Variants in HOMER1 observed in about 807,000 individuals in gnomAD.
The protein encoded by HOMER1 is homer scaffold protein 1.
Under a neutral mutation model 48.9 loss-of-function variants are expected in HOMER1, and 3 were observed. The ratio of observed to expected loss-of-function variants is 0.06; its 90% CI spans 0.03 to 0.16. HOMER1 has a LOEUF of 0.16. HOMER1 is among the 10% of genes least tolerant of loss of function. The pLI, the probability that HOMER1 is intolerant of heterozygous loss-of-function variation, is 1.00. For synonymous variants in HOMER1, 134 were observed against 146.4 expected, an observed-to-expected ratio of 0.92 and a Z score of 0.61; for missense variants, 247 against 411.4, an observed-to-expected ratio of 0.60 and a Z score of 3.46.
chr5:79,384,591 C>T (rs1003322716), intron 8 of HOMER1, among the ~76,000 whole-genome samples: 1 of 152,180 alleles, frequency 6.6e-6, no homozygotes, highest in African/African-American at 2.4e-5. Context: ...TACCAATCCT[C>T]TTCAAACTAT....
At chr5:79,391,037 AAAC>A (rs1749235049) in intron 8 of HOMER1, among the ~76,000 whole-genome samples, 1 of 152,196 alleles carries the variant, frequency 6.6e-6, no homozygotes, top group African/African-American at 2.4e-5. Flanking sequence ...AAAAAATAAA[AAAC>A]AAAGCACAAG....
At chr5:79,414,504 G>A (rs113350545) in intron 5 of HOMER1, among the ~76,000 whole-genome samples, 5,213 of 151,326 alleles carry the variant, frequency 0.034, 283 homozygotes, top group African/African-American at 0.12. Flanking sequence ...CTCAGCCTCC[G>A]GAGTAGCTGG....
At chr5:79,386,350 A>T (rs913239899) in intron 8 of HOMER1, among the ~76,000 whole-genome samples, 2 of 152,222 alleles carry the variant, frequency 1.3e-5, no homozygotes, top group East Asian at 1.9e-4. Context: ...TGTTAAGTGA[A>T]CTAAGCCAGG....
intron 4 of HOMER1, among the ~76,000 whole-genome samples, chr5:79,446,351 C>T (rs1490729499): frequency 6.6e-6 from 1 of 152,138 alleles, no homozygotes; most frequent in Non-Finnish European, 1.5e-5. Context: ...AGCTCTACCT[C>T]GGCTTTCCCC....
At chr5:79,427,915 T>C (rs1056096628) in intron 5 of HOMER1, among the ~76,000 whole-genome samples, 7 of 152,118 alleles carry the variant, frequency 4.6e-5, no homozygotes, top group African/African-American at 1.7e-4. Context: ...TAAACCTCTT[T>C]AAAAATCAGA....
At chr5:79,503,579 G>A (rs1438056667) in intron 1 of HOMER1, among the ~76,000 whole-genome samples, 5 of 149,640 alleles carry the variant, frequency 3.3e-5, no homozygotes, top group Admixed American at 6.7e-5. Context: ...CATGGCTCAC[G>A]CCTGTAATCT....
chr5:79,459,308 T>G (rs1012378044), intron 1 of HOMER1, among the ~76,000 whole-genome samples: 3 of 152,212 alleles, frequency 2.0e-5, no homozygotes, highest in Non-Finnish European at 4.4e-5. Context: ...TTCAGTACGG[T>G]AAAGACTTTC....
chr5:79,490,780 A>C (rs577179839), intron 1 of HOMER1, among the ~76,000 whole-genome samples: 1,714 of 146,056 alleles, frequency 0.012, 18 homozygotes, highest in Middle Eastern at 0.037. Context: ...AAAAAAAAAA[A>C]CAAAAAAAAA....
intron 1 of HOMER1, among the ~76,000 whole-genome samples, chr5:79,460,258 C>G (rs139841654): frequency 6.6e-6 from 1 of 152,138 alleles, no homozygotes; most frequent in Non-Finnish European, 1.5e-5. Context: ...CTTGAGCTCA[C>G]AAGTTCGAGA....
At chr5:79,507,212 C>CAAAAAA (rs34697575) in intron 1 of HOMER1, among the ~76,000 whole-genome samples, 24 of 51,846 alleles carry the variant, frequency 4.6e-4, no homozygotes, top group South Asian at 2.0e-3. Flanking sequence ...GGCTCTATCT[C>CAAAAAA]AAAAAAAAAA....
chr5:79,415,315 C>T (rs1049101678), intron 5 of HOMER1, among the ~76,000 whole-genome samples: 1 of 152,008 alleles, frequency 6.6e-6, no homozygotes, highest in Admixed American at 6.6e-5. Flanking sequence ...CTGCCTCAGC[C>T]TCCCAAAGGG....
chr5:79,492,935 T>TA (rs892941208), intron 1 of HOMER1, among the ~76,000 whole-genome samples: 6 of 112,990 alleles, frequency 5.3e-5, no homozygotes, highest in East Asian at 2.8e-4. Context: ...TTTTTTTTTT[T>TA]AAAGACAGAG....
chr5:79,396,322 T>C (rs1401105794), intron 8 of HOMER1, among the ~76,000 whole-genome samples: 2 of 151,988 alleles, frequency 1.3e-5, no homozygotes, highest in Non-Finnish European at 2.9e-5. Flanking sequence ...ATAATAATGT[T>C]CCCAAATTGA....
In HOMER1 at chr5:79,374,524, T is replaced by C. The variant is rs1748710235; in HGVS notation, c.*1485A>G. Reference sequence around the variant, plus strand: ...TTGGTTAATTAGCTTAATTTTGTACTTAACAATTCGATCATTTTGGGGTAC... The same window carrying C: ...TTGGTTAATTAGCTTAATTTTGTACCTAACAATTCGATCATTTTGGGGTAC... On this transcript the variant is annotated 3_prime_UTR_variant, in exon 9 of 9. Transcript: ENST00000334082. The C allele has an allele frequency of 6.6e-6, 1 of 152,062 alleles. No homozygotes were observed. Among genetic ancestry groups the C allele is most frequent in the Admixed American group, 6.6e-5 (1 of 15,266 alleles). 9.4% of individuals were successfully genotyped at this position (152,062 alleles called of 1,614,324 possible). A position where few individuals can be genotyped will look rare whatever the true frequency, so the allele number is the denominator to read the frequency against.
At chr5:79,379,692 GC>G (rs978605687) in intron 8 of HOMER1, among the ~76,000 whole-genome samples, 4 of 151,198 alleles carry the variant, frequency 2.6e-5, no homozygotes, top group Non-Finnish European at 5.9e-5. Flanking sequence ...TGATCGTCCT[GC>G]CGCGGCCTCC....
chr5:79,421,227 C>T (rs189047768), intron 5 of HOMER1, among the ~76,000 whole-genome samples: 50 of 152,306 alleles, frequency 3.3e-4, no homozygotes, highest in Non-Finnish European at 5.7e-4. Flanking sequence ...CAAGAAATGA[C>T]TTTTGTTACA....
At chr5:79,512,735 A>G in intron 1 of HOMER1, 35 bp downstream of exon 1, 1 of 1,608,340 alleles carries the variant, frequency 6.2e-7, no homozygotes, top group South Asian at 1.1e-5. Flanking sequence ...ATACATAAAC[A>G]GATTCGAAGC....
chr5:79,451,255 A>T (rs1339289191), intron 2 of HOMER1, 134 bp from the exon 3 acceptor site: 1 of 811,584 alleles, frequency 1.2e-6, no homozygotes, highest in East Asian at 2.6e-5. Flanking sequence ...ATAGTTACAG[A>T]AATAGTTTCT....
rs181872063 is a variant in HOMER1, at chr5:79,454,670, A to C, written c.162+2192T>G. 2.0e-5 allele frequency among the ~76,000 whole-genome samples: 3 copies of C among 152,332 alleles called. No homozygotes were observed. The East Asian group carries it at 5.8e-4, about 29-fold the overall frequency. On this transcript the variant is annotated intron_variant, in intron 2 of 8. Coordinates refer to ENST00000334082, the MANE Select transcript of HOMER1 (RefSeq NM_004272.5). Reference sequence around the variant, plus strand: ...ATTAGTTACTTATGTACAAGACACAAAGTGCAAATAGCGCTTAGGGTCTTA... The same window carrying C: ...ATTAGTTACTTATGTACAAGACACACAGTGCAAATAGCGCTTAGGGTCTTA...
Sources: gnomAD v4.1 joint callset for allele counts (sites outside exome capture counted in the v4.1 genomes callset) on GRCh38, gnomAD v4.1.1 for gene constraint, MANE v1.5 for transcripts, NCBI Gene and HGNC (gene_info 2026-07-23, HGNC 2026-07-21) for gene names.